SLC3A2: variants seen among roughly 807,000 people sequenced by gnomAD.
SLC3A2 encodes amino acid transporter heavy chain SLC3A2.
A neutral mutation model predicts 48.5 loss-of-function variants in SLC3A2; 32 were observed. The observed-to-expected ratio is 0.66, with a 90% CI of 0.50 to 0.89. SLC3A2 has a LOEUF of 0.89. Among genes scored for constraint, SLC3A2 ranks in the 40% least tolerant of loss-of-function variants. SLC3A2 has a pLI of 0.00. For missense variants in SLC3A2, 587 were observed against 680.7 expected (o/e 0.86, Z 1.53); for synonymous variants, 277 against 288.8 (o/e 0.96, Z 0.41).
chr11:62,888,083 C>CA (rs1390122463), intron 7 of SLC3A2, 52 bp from the exon 8 acceptor site: 10 of 1,508,802 alleles, frequency 6.6e-6, no homozygotes, highest in Middle Eastern at 2.3e-4. Context: ...AGATGTGAGC[C>CA]ACCATGCCTG....
intron 1 of SLC3A2, among the ~76,000 whole-genome samples, chr11:62,861,185 A>T (rs1460333902): frequency 2.0e-5 from 3 of 151,776 alleles, no homozygotes; most frequent in African/African-American, 7.3e-5. Flanking sequence ...AAAAATAAAA[A>T]TTAGCTGCGT....
At chr11:62,875,641 A>G (rs962206651) in intron 1 of SLC3A2, among the ~76,000 whole-genome samples, 1 of 152,188 alleles carries the variant, frequency 6.6e-6, no homozygotes, top group East Asian at 1.9e-4. Flanking sequence ...ATCTGGGCCC[A>G]TTGCAACCTC....
intron 2 of SLC3A2, 104 bp downstream of exon 2, chr11:62,882,170 T>A: frequency 7.3e-7 from 1 of 1,363,612 alleles, no homozygotes; most frequent in South Asian, 1.3e-5. Context: ...CTCTGAGTTT[T>A]CCTAGGGCAG....
rs541388 is a variant in SLC3A2, at chr11:62,887,695, G to A, written c.1144-440G>A. Among the ~76,000 whole-genome samples the A allele has an allele frequency of 8.8e-5, 11 of 124,832 alleles. No individual in the cohort carries two copies. The East Asian group carries it at 1.7e-3, about 20-fold the overall frequency. 81.9% of individuals were successfully genotyped at this position (124,832 alleles called of 152,430 possible). ...TCCAGCCTGAACAGAGCGAGACTCC[G>A]TCTCAAAAAAAAAAAAAAAAAAAAG... On this transcript the variant is annotated intron_variant, in intron 7 of 8. Coordinates refer to ENST00000338663, the MANE Select transcript of SLC3A2 (RefSeq NM_001013251.3).
rs1360967051 is a variant in SLC3A2, at chr11:62,881,085, A to C, written c.62A>C (p.Lys21Thr). ...EVELNELEPE[K>T]QPMNAASGAA... ...GAGCTGAATGAGTTAGAGCCCGAGA[A>C]GCAGCCGATGAACGCGGCGTCTGGG... The change falls in exon 1 of 9, where the codon AAG (lysine) becomes ACG (threonine). Residue 21 changes from lysine (K) to threonine (T), a missense_variant. Lys to Thr is a moderately conservative substitution (Grantham distance 78). Transcript: ENST00000338663. This position sits in a 1 kb window ranked among gnomAD's most constrained non-coding sequence, Gnocchi z 4.0. 1.1e-5 allele frequency: 18 copies of C among 1,609,124 alleles called. No individual in the cohort carries two copies. Among genetic ancestry groups the C allele is most frequent in the Non-Finnish European group, 1.4e-5 (17 of 1,177,834 alleles).
chr11:62,869,905 CTTGA>C (rs1395280731), intron 1 of SLC3A2, among the ~76,000 whole-genome samples: 3 of 150,940 alleles, frequency 2.0e-5, no homozygotes, highest in South Asian at 2.1e-4. Flanking sequence ...GCCTCAGCCT[CTTGA>C]GTAGCTGAGA....
intron 1 of SLC3A2, among the ~76,000 whole-genome samples, chr11:62,857,716 A>T (rs2085352787): frequency 6.6e-6 from 1 of 151,098 alleles, no homozygotes; most frequent in East Asian, 1.9e-4. Context: ...AAAAAAAAAA[A>T]AAAAAAATGT....
intron 1 of SLC3A2, among the ~76,000 whole-genome samples, chr11:62,863,076 A>C (rs147195356): frequency 6.6e-6 from 1 of 151,690 alleles, no homozygotes; most frequent in East Asian, 1.9e-4. Flanking sequence ...CGCTGCAACC[A>C]CTCCCAGCTG....
intron 7 of SLC3A2, chr11:62,887,801 C>CT (rs200246206): frequency 0.026 from 5,080 of 193,300 alleles, 131 homozygotes; most frequent in Non-Finnish European, 0.034. Context: ...GGGCCCAGGG[C>CT]TTTTTTTTTG....
chr11:62,876,592 T>C (rs191811946), upstream of SLC3A2, among the ~76,000 whole-genome samples: 14 of 151,978 alleles, frequency 9.2e-5, no homozygotes, highest in East Asian at 2.5e-3. Flanking sequence ...TTATTAGTTT[T>C]ATTATTATAT....
exon 1 of SLC3A2, chr11:62,856,195 A>G: frequency 2.5e-6 from 3 of 1,178,294 alleles, no homozygotes; most frequent in Non-Finnish European, 3.6e-6. Context: ...GACGGTCACG[A>G]CTGCCTACCC....
chr11:62,869,384 C>T (rs2085487168), intron 1 of SLC3A2, among the ~76,000 whole-genome samples: 2 of 150,976 alleles, frequency 1.3e-5, no homozygotes, highest in East Asian at 2.0e-4. Context: ...ATTAGCCAGG[C>T]GTGGTGGCGG....
chr11:62,862,145 C>T (rs933053588), intron 1 of SLC3A2, among the ~76,000 whole-genome samples: 5 of 146,848 alleles, frequency 3.4e-5, no homozygotes, highest in South Asian at 2.2e-4. Flanking sequence ...GGTGAAATCC[C>T]GTCTCTACTA....
In SLC3A2 at chr11:62,885,478, G is replaced by T. The variant is rs116829615; in HGVS notation, c.1013G>T (p.Arg338Met). Residue 338 changes from arginine (R) to methionine (M), a missense_variant, in exon 7 of 9, where the codon AGG (arginine) becomes ATG (methionine). Physicochemically the swap from Arg to Met is moderately conservative, Grantham distance 91. Around this residue, in one of 3 missense-constraint regions of SLC3A2, gnomAD observed 409 missense variants for 446.7 expected, o/e 0.92. Transcript: ENST00000338663. ...CTCTCCCTGTAGTTGTCTCAGGCAA[G>T]GCTCCTGACTTCCTTCTTGCCGGCT... Reference protein sequence around the residue: ...RWCSWSLSQARLLTSFLPAQL... With the variant: ...RWCSWSLSQAMLLTSFLPAQL... The T allele has an allele frequency of 2.0e-3, 3,265 of 1,614,188 alleles. 24 individuals are homozygous for T. The Middle Eastern group carries it at 0.026, about 13-fold the overall frequency.
At chr11:62,876,595 T>A (rs2085573020), upstream of SLC3A2, among the ~76,000 whole-genome samples, 1 of 151,676 alleles carries the variant, frequency 6.6e-6, no homozygotes, top group African/African-American at 2.4e-5. Context: ...TTAGTTTTAT[T>A]ATTATATTTT....
At chr11:62,856,648 C>A (rs2085328316) in intron 1 of SLC3A2, among the ~76,000 whole-genome samples, 1 of 152,112 alleles carries the variant, frequency 6.6e-6, no homozygotes, top group African/African-American at 2.4e-5. Flanking sequence ...ATGACAACCC[C>A]CATTTTATTG....
In SLC3A2 at chr11:62,885,281, G is replaced by A. The variant is rs1164119600; in HGVS notation, c.923G>A (p.Gly308Asp). 3 of 1,614,182 alleles carry A rather than the reference G, an allele frequency of 1.9e-6. No homozygotes were observed. The highest frequency in any genetic ancestry group is 2.5e-6 in the Non-Finnish European group (3 of 1,180,030). The change falls in exon 6 of 9, where the codon GGT becomes GAT. Residue 308 changes from glycine to aspartate, a missense_variant. Transcript: ENST00000338663. ...ACTAGCTCATACCTGTCTGATTCTG[G>A]TTCTACTGGGGAGCATACAAAATCC... ...LLTSSYLSDS[G>D]STGEHTKSLV...
chr11:62,883,680 G>A (rs1406842560), intron 3 of SLC3A2: 1 of 259,956 alleles, frequency 3.8e-6, no homozygotes, highest in South Asian at 4.2e-5. Flanking sequence ...GGATCATCCA[G>A]TTTAGGCCTT....
At chr11:62,873,443 C>T (rs1442489348) in intron 1 of SLC3A2, among the ~76,000 whole-genome samples, 3 of 151,150 alleles carry the variant, frequency 2.0e-5, no homozygotes, top group Admixed American at 6.6e-5. Flanking sequence ...GAGCCGAGAT[C>T]GCACCACTGC....
Sources: allele counts gnomAD v4.1 joint callset (sites outside exome capture counted in the v4.1 genomes callset), GRCh38; gene constraint gnomAD v4.1.1; regional missense constraint gnomAD v4.1.1; non-coding constraint Gnocchi (gnomAD v3.1); transcripts MANE v1.5; gene names NCBI Gene and HGNC (gene_info 2026-07-23, HGNC 2026-07-21).